Variants in SLC71A1 observed in about 807,000 individuals in gnomAD.
The protein encoded by SLC71A1 is solute carrier family 71 member 1, also known as hippocampus abundant gene transcript 1.
At chr1:100,082,001 AG>A in the SLC71A1 span, 1 of 1,609,114 alleles carries the variant, frequency 6.2e-7, no homozygotes, top group Non-Finnish European at 8.5e-7. Flanking sequence ...ATTCTTCCTC[AG>A]AATTCCATCA....
chr1:100,048,969 C>G, the SLC71A1 span, among the ~76,000 whole-genome samples: 3 of 152,176 alleles, frequency 2.0e-5, no homozygotes, highest in Non-Finnish European at 4.4e-5. Flanking sequence ...TTCTCCCTTC[C>G]GCTATTTATC....
the SLC71A1 span, chr1:100,069,833 C>T: frequency 1.6e-6 from 1 of 639,130 alleles, no homozygotes; most frequent in Non-Finnish European, 2.8e-6. Flanking sequence ...GTTTGTGTAG[C>T]TAGTGTTGAT....
the SLC71A1 span, among the ~76,000 whole-genome samples, chr1:100,065,043 TTTGTATG>T: frequency 6.6e-6 from 1 of 151,976 alleles, no homozygotes; most frequent in East Asian, 1.9e-4. Flanking sequence ...ACTACTAATT[TTTGTATG>T]TTTTGTAGTG....
At chr1:100,073,475 C>T in the SLC71A1 span, among the ~76,000 whole-genome samples, 1 of 152,246 alleles carries the variant, frequency 6.6e-6, no homozygotes, top group Non-Finnish European at 1.5e-5. Flanking sequence ...GGGGTGTTCT[C>T]TTTCCCCAGA....
At chr1:100,067,884 G>T in the SLC71A1 span, 6 of 968,812 alleles carry the variant, frequency 6.2e-6, no homozygotes, top group Non-Finnish European at 9.8e-6. Flanking sequence ...TGCAACAGAA[G>T]GCCTGACATA....
the SLC71A1 span, among the ~76,000 whole-genome samples, chr1:100,047,060 T>G: frequency 6.6e-6 from 1 of 152,222 alleles, no homozygotes; most frequent in African/African-American, 2.4e-5. Flanking sequence ...TTCTTACTCA[T>G]GCTTAATTGC....
At chr1:100,043,069 T>C in the SLC71A1 span, 1 of 985,014 alleles carries the variant, frequency 1.0e-6, no homozygotes, top group South Asian at 4.7e-5. Context: ...AGTTTTTTTT[T>C]CAGATGGCTA....
the SLC71A1 span, among the ~76,000 whole-genome samples, chr1:100,081,292 A>G: frequency 6.6e-6 from 1 of 152,224 alleles, no homozygotes; most frequent in Non-Finnish European, 1.5e-5. Context: ...AGTCACTTGA[A>G]ATTATAATTA....
chr1:100,040,667 G>A, the SLC71A1 span, among the ~76,000 whole-genome samples: 3 of 152,060 alleles, frequency 2.0e-5, no homozygotes, highest in Admixed American at 1.3e-4. Context: ...TCACCATATT[G>A]GTCAGGCTGG....
chr1:100,069,541 A>T, the SLC71A1 span: 1 of 850,402 alleles, frequency 1.2e-6, no homozygotes, highest in Admixed American at 2.1e-5. Context: ...TTAATATACA[A>T]GTAGCTGCAG....
At chr1:100,068,557 T>C in the SLC71A1 span, 1 of 1,612,424 alleles carries the variant, frequency 6.2e-7, no homozygotes, top group Non-Finnish European at 8.5e-7. Flanking sequence ...GGCAGGCCAA[T>C]ATTCCAGCTT....
the SLC71A1 span, among the ~76,000 whole-genome samples, chr1:100,041,749 C>A: frequency 6.6e-6 from 1 of 152,054 alleles, no homozygotes; most frequent in Non-Finnish European, 1.5e-5. Context: ...CATGGTGAAA[C>A]CCCATCTTTA....
At chr1:100,080,454 A>T in the SLC71A1 span, 9 of 1,562,258 alleles carry the variant, frequency 5.8e-6, no homozygotes, top group Non-Finnish European at 7.0e-6. Flanking sequence ...GGGAAAAAAA[A>T]CCAGGTAGTT....
At chr1:100,067,758 C>T in the SLC71A1 span, among the ~76,000 whole-genome samples, 1 of 152,014 alleles carries the variant, frequency 6.6e-6, no homozygotes, top group African/African-American at 2.4e-5. Flanking sequence ...TACAGTGAGC[C>T]GTGATGGCAC....
chr1:100,080,551 G>C, the SLC71A1 span: 4 of 1,613,956 alleles, frequency 2.5e-6, no homozygotes, highest in Non-Finnish European at 2.5e-6. Context: ...GTCTGGGACC[G>C]GCCCTCTATG....
At chr1:100,053,198 C>T in the SLC71A1 span, among the ~76,000 whole-genome samples, 11 of 152,132 alleles carry the variant, frequency 7.2e-5, no homozygotes, top group Non-Finnish European at 1.0e-4. Flanking sequence ...CATTTCAAGG[C>T]TTTTTGCTTA....
At chr1:100,082,058 C>T in the SLC71A1 span, 2 of 1,613,804 alleles carry the variant, frequency 1.2e-6, no homozygotes, top group Non-Finnish European at 1.7e-6. Flanking sequence ...GTACTGCTGG[C>T]TCTGCTTGTT....
At chr1:100,051,238 A>G in the SLC71A1 span, among the ~76,000 whole-genome samples, 2 of 152,040 alleles carry the variant, frequency 1.3e-5, no homozygotes, top group Non-Finnish European at 2.9e-5. Flanking sequence ...TAAAAATACA[A>G]AAATTAGCTG....
At chr1:100,074,566 C>T in the SLC71A1 span, among the ~76,000 whole-genome samples, 2 of 150,712 alleles carry the variant, frequency 1.3e-5, no homozygotes, top group Non-Finnish European at 3.0e-5. Flanking sequence ...GCAACAAGAG[C>T]GAAACTCCAT....
Sources: allele counts gnomAD v4.1 joint callset (sites outside exome capture counted in the v4.1 genomes callset), GRCh38; gene constraint gnomAD v4.1.1; transcripts MANE v1.5; gene names NCBI Gene and HGNC (gene_info 2026-07-23, HGNC 2026-07-21).